Variants in LOC400499 observed in about 807,000 individuals in gnomAD.
At chr16:11,432,394 C>CT in the LOC400499 span, among the ~76,000 whole-genome samples, 1 of 152,238 alleles carries the variant, frequency 6.6e-6, no homozygotes. Context: ...GACACATTGT[C>CT]TGACTCCTTA....
chr16:11,503,885 G>T, the LOC400499 span, among the ~76,000 whole-genome samples: 1 of 152,228 alleles, frequency 6.6e-6, no homozygotes, highest in Non-Finnish European at 1.5e-5. Flanking sequence ...CTATTGCCCA[G>T]TTTGGGGCGT....
the LOC400499 span, among the ~76,000 whole-genome samples, chr16:11,482,670 C>G: frequency 6.6e-6 from 1 of 152,008 alleles, no homozygotes; most frequent in Non-Finnish European, 1.5e-5. Context: ...GCAGGAGGAT[C>G]GCTTGAGGTC....
chr16:11,377,224 T>G, the LOC400499 span, among the ~76,000 whole-genome samples: 16 of 152,362 alleles, frequency 1.1e-4, no homozygotes, highest in African/African-American at 3.8e-4. Flanking sequence ...TGACAAATTA[T>G]TAGTTCTAAC....
the LOC400499 span, chr16:11,392,203 C>T: frequency 2.5e-6 from 1 of 399,072 alleles, no homozygotes; most frequent in East Asian, 3.6e-5. Flanking sequence ...GGGTTGTCTG[C>T]CCTGGTTTCT....
the LOC400499 span, chr16:11,404,800 G>C: frequency 2.5e-6 from 1 of 399,044 alleles, no homozygotes. Context: ...ACCTGGCGCA[G>C]GACACGGGTC....
chr16:11,517,552 G>A, the LOC400499 span, among the ~76,000 whole-genome samples: 1 of 152,202 alleles, frequency 6.6e-6, no homozygotes, highest in South Asian at 2.1e-4. Context: ...TTTGAACCCA[G>A]CCAGGCTGGC....
the LOC400499 span, chr16:11,516,441 C>T: frequency 1.8e-5 from 7 of 397,628 alleles, no homozygotes; most frequent in Non-Finnish European, 2.2e-5. Context: ...CCCCACATCC[C>T]CCCACTAGAT....
the LOC400499 span, among the ~76,000 whole-genome samples, chr16:11,421,428 G>C: frequency 6.6e-6 from 1 of 151,888 alleles, no homozygotes; most frequent in African/African-American, 2.4e-5. Flanking sequence ...TTGAGACTGA[G>C]TCTTGCTCTG....
At chr16:11,521,057 G>T in the LOC400499 span, among the ~76,000 whole-genome samples, 1 of 152,088 alleles carries the variant, frequency 6.6e-6, no homozygotes, top group African/African-American at 2.4e-5. Flanking sequence ...TGTTTTGAAG[G>T]GTGTAAAAGG....
chr16:11,373,644 G>A, the LOC400499 span, among the ~76,000 whole-genome samples: 2 of 151,570 alleles, frequency 1.3e-5, no homozygotes, highest in Non-Finnish European at 2.9e-5. Context: ...TTTTGAGATG[G>A]AGTCTTGCTC....
chr16:11,435,195 C>T, the LOC400499 span, among the ~76,000 whole-genome samples: 1 of 152,090 alleles, frequency 6.6e-6, no homozygotes, highest in Non-Finnish European at 1.5e-5. Context: ...CCAGACTGGT[C>T]TTGAATTCCT....
chr16:11,472,027 T>C, the LOC400499 span: 1 of 389,858 alleles, frequency 2.6e-6, no homozygotes, highest in Non-Finnish European at 4.5e-6. Context: ...TCAGATCATC[T>C]TATTTGGGGG....
the LOC400499 span, among the ~76,000 whole-genome samples, chr16:11,478,968 C>T: frequency 6.6e-6 from 1 of 152,228 alleles, no homozygotes; most frequent in Non-Finnish European, 1.5e-5. Flanking sequence ...GTGACTTCCT[C>T]TCCTTGCCTT....
chr16:11,396,746 C>G, the LOC400499 span: 1 of 1,182,252 alleles, frequency 8.5e-7, no homozygotes, highest in Admixed American at 4.2e-5. Context: ...GTCCCCTGCA[C>G]CGAGAATGCA....
the LOC400499 span, among the ~76,000 whole-genome samples, chr16:11,489,463 G>A: frequency 6.6e-6 from 1 of 151,866 alleles, no homozygotes; most frequent in African/African-American, 2.4e-5. Flanking sequence ...GTCCCTGGAG[G>A]GATAAAGATC....
chr16:11,506,377 G>A, the LOC400499 span, among the ~76,000 whole-genome samples: 1 of 152,172 alleles, frequency 6.6e-6, no homozygotes, highest in African/African-American at 2.4e-5. Context: ...TGGGACATCC[G>A]GAAGTCTACT....
At chr16:11,405,937 T>A in the LOC400499 span, among the ~76,000 whole-genome samples, 1 of 152,200 alleles carries the variant, frequency 6.6e-6, no homozygotes, top group African/African-American at 2.4e-5. Flanking sequence ...CAGTGGCTCC[T>A]TGGCCATTCC....
the LOC400499 span, chr16:11,384,998 G>T: frequency 8.1e-7 from 1 of 1,232,256 alleles, no homozygotes; most frequent in African/African-American, 1.5e-5. Flanking sequence ...CTTCCTTGTC[G>T]TGGCAGGATG....
the LOC400499 span, chr16:11,387,111 A>G: frequency 4.9e-5 from 60 of 1,232,390 alleles, no homozygotes; most frequent in South Asian, 2.0e-3. Context: ...CAGGACTCAC[A>G]TTCCCAGGGG....
Sources: allele counts gnomAD v4.1 joint callset (sites outside exome capture counted in the v4.1 genomes callset), GRCh38; gene constraint gnomAD v4.1.1; transcripts MANE v1.5.